Variants in RAB6B observed in about 807,000 individuals in gnomAD.
RAB6B encodes RAB6B, member RAS oncogene family.
A neutral mutation model predicts 31.2 loss-of-function variants in RAB6B; 7 were observed. The observed-to-expected ratio is 0.22, with a 90% CI of 0.13 to 0.42. RAB6B has a LOEUF of 0.42. RAB6B is among the 10% of genes least tolerant of loss of function. The probability of loss-of-function intolerance (pLI) is 1.00; values close to 1 mark genes in which losing one functional copy is unlikely to be tolerated. For synonymous variants in RAB6B, 105 were observed against 104.9 expected (o/e 1.00, Z -0.01); for missense variants, 149 against 280.6 (o/e 0.53, Z 3.35).
intron 7 of RAB6B, among the ~76,000 whole-genome samples, chr3:133,834,316 C>T (rs1935699522): frequency 6.6e-6 from 1 of 152,200 alleles, no homozygotes; most frequent in African/African-American, 2.4e-5. Context: ...TCACTCCCCA[C>T]CCCACAGCAT....
intron 2 of RAB6B, among the ~76,000 whole-genome samples, chr3:133,855,888 T>C (rs965570648): frequency 3.3e-5 from 5 of 152,162 alleles, no homozygotes; most frequent in Non-Finnish European, 2.9e-5. Flanking sequence ...CCAGCCTCTC[T>C]AGAGGCTAAC....
intron 1 of RAB6B, among the ~76,000 whole-genome samples, chr3:133,889,648 C>T (rs1158401190): frequency 6.6e-6 from 1 of 151,866 alleles, no homozygotes; most frequent in African/African-American, 2.4e-5. Flanking sequence ...GTTGGCCAGG[C>T]TGGTCTCGAA....
intron 2 of RAB6B, among the ~76,000 whole-genome samples, chr3:133,860,231 G>A (rs1287621535): frequency 1.3e-5 from 2 of 152,318 alleles, no homozygotes; most frequent in East Asian, 1.9e-4. Context: ...TTGGACATAC[G>A]ATTAATTAAG....
At chr3:133,863,824 A>T (rs946286531) in intron 2 of RAB6B, among the ~76,000 whole-genome samples, 5 of 152,224 alleles carry the variant, frequency 3.3e-5, no homozygotes, top group African/African-American at 1.2e-4. Context: ...TTTCTTTAAA[A>T]GAGTTGAAAT....
intron 5 of RAB6B, among the ~76,000 whole-genome samples, chr3:133,838,464 A>G (rs1255261902): frequency 6.6e-6 from 1 of 152,154 alleles, no homozygotes; most frequent in Admixed American, 6.5e-5. Context: ...GTAGGACACT[A>G]TCCGCTTCCC....
intron 2 of RAB6B, among the ~76,000 whole-genome samples, chr3:133,862,274 T>C (rs541700660): frequency 6.6e-6 from 1 of 152,256 alleles, no homozygotes; most frequent in South Asian, 2.1e-4. Flanking sequence ...GTTTTTTTTG[T>C]GTGTGTGCCA....
chr3:133,864,095 C>A (rs1936200048), intron 2 of RAB6B, among the ~76,000 whole-genome samples: 1 of 145,584 alleles, frequency 6.9e-6, no homozygotes, highest in South Asian at 2.2e-4. Flanking sequence ...CCAGCCTCTC[C>A]AGGGAAGGAA....
chr3:133,876,183 T>C (rs914937401), intron 1 of RAB6B, among the ~76,000 whole-genome samples: 14 of 152,312 alleles, frequency 9.2e-5, no homozygotes, highest in African/African-American at 3.4e-4. Flanking sequence ...GATGTTCACG[T>C]AAGACTCTAC....
At chr3:133,864,817 G>A (rs1199512627) in intron 1 of RAB6B, among the ~76,000 whole-genome samples, 175 bp from the exon 2 acceptor site, 1 of 151,880 alleles carries the variant, frequency 6.6e-6, no homozygotes, top group Non-Finnish European at 1.5e-5. Flanking sequence ...TGAGGCCACC[G>A]AGTCTCTATA....
intron 2 of RAB6B, among the ~76,000 whole-genome samples, chr3:133,841,991 C>T (rs1935843042): frequency 6.6e-6 from 1 of 152,214 alleles, no homozygotes; most frequent in Non-Finnish European, 1.5e-5. Flanking sequence ...ATATCCTGCC[C>T]TCCCCACCTG....
chr3:133,829,467 A>G (rs1935624705), intron 7 of RAB6B, among the ~76,000 whole-genome samples: 1 of 152,194 alleles, frequency 6.6e-6, no homozygotes, highest in South Asian at 2.1e-4. Flanking sequence ...GACTGGTTCC[A>G]AATGCACAGC....
intron 6 of RAB6B, among the ~76,000 whole-genome samples, chr3:133,836,566 G>A (rs1250609175): frequency 6.6e-6 from 1 of 152,192 alleles, no homozygotes; most frequent in East Asian, 1.9e-4. Flanking sequence ...AGAGCACTCT[G>A]GGGGTAGGGG....
intron 7 of RAB6B, among the ~76,000 whole-genome samples, chr3:133,832,966 G>A (rs529998055): frequency 1.9e-4 from 29 of 152,182 alleles, no homozygotes; most frequent in African/African-American, 6.5e-4. Flanking sequence ...CCTCAACAGC[G>A]CGACTCTGGG....
At chr3:133,881,953 C>G (rs1265393285) in intron 1 of RAB6B, among the ~76,000 whole-genome samples, 3 of 152,204 alleles carry the variant, frequency 2.0e-5, no homozygotes, top group Non-Finnish European at 4.4e-5. Context: ...TTTATTATGT[C>G]ATATTTCCAT....
rs1052690305 is a variant in RAB6B at position 133,828,714 on chromosome 3, C to T, written c.*74G>A. On this transcript the variant is annotated 3_prime_UTR_variant, in exon 8 of 8. Transcript: ENST00000285208. Reference sequence around the variant, plus strand: ...ATCTTGATAACTCGGTTCCCTCCCCCCTTAGGAAGCTAGCCAATAGGAAGC... The same window carrying T: ...ATCTTGATAACTCGGTTCCCTCCCCTCTTAGGAAGCTAGCCAATAGGAAGC... 43 of 1,478,636 alleles carry T rather than the reference C, an allele frequency of 2.9e-5. No individual in the cohort carries two copies. The highest frequency in any genetic ancestry group is 2.8e-5 in the Non-Finnish European group (30 of 1,061,948). The allele number at this position is 1,478,636 out of a possible 1,614,324, so 91.6% of individuals were successfully genotyped here.
intron 6 of RAB6B, among the ~76,000 whole-genome samples, chr3:133,835,113 C>T (rs1935713942): frequency 6.6e-6 from 1 of 152,204 alleles, no homozygotes; most frequent in African/African-American, 2.4e-5. Flanking sequence ...CAGCGAACAG[C>T]AGGGCCAGGG....
chr3:133,860,474 T>C (rs1330835072), intron 2 of RAB6B, among the ~76,000 whole-genome samples: 2 of 152,186 alleles, frequency 1.3e-5, no homozygotes, highest in Non-Finnish European at 2.9e-5. Flanking sequence ...ATTTTGGACT[T>C]CAACCTCCAG....
intron 2 of RAB6B, among the ~76,000 whole-genome samples, chr3:133,844,686 C>A (rs1000800189): frequency 3.9e-5 from 6 of 152,072 alleles, no homozygotes; most frequent in Non-Finnish European, 5.9e-5. Flanking sequence ...GCCTGTAATC[C>A]CAGCACTTTG....
intron 2 of RAB6B, among the ~76,000 whole-genome samples, chr3:133,861,943 C>T (rs1053064974): frequency 2.0e-5 from 3 of 152,102 alleles, no homozygotes; most frequent in Non-Finnish European, 4.4e-5. Context: ...CCCTGGGGAT[C>T]TTGTCTACTT....
Sources: allele counts gnomAD v4.1 joint callset (sites outside exome capture counted in the v4.1 genomes callset), GRCh38; gene constraint gnomAD v4.1.1; transcripts MANE v1.5; gene names NCBI Gene and HGNC (gene_info 2026-07-23, HGNC 2026-07-21).